PRKG1: variants seen among roughly 807,000 people sequenced by gnomAD.
PRKG1 encodes the protein cGMP-dependent protein kinase 1.
A neutral mutation model predicts 88.1 loss-of-function variants in PRKG1; 35 were observed. The ratio of observed to expected loss-of-function variants is 0.40; its 90% confidence interval spans 0.30 to 0.53. The LOEUF (loss-of-function observed/expected upper bound fraction) is 0.53. PRKG1 is among the 20% of genes least tolerant of loss of function. The probability of loss-of-function intolerance (pLI) is 0.59; values close to 1 mark genes in which losing one functional copy is unlikely to be tolerated. For missense variants in PRKG1, 540 were observed against 839.8 expected (o/e 0.64, Z 4.41); for synonymous variants, 303 against 292.5 (o/e 1.04, Z -0.37).
At chr10:51,956,363 G>A (rs1260519128) in intron 5 of PRKG1, among the ~76,000 whole-genome samples, 1 of 151,500 alleles carries the variant, frequency 6.6e-6, no homozygotes, top group Non-Finnish European at 1.5e-5. Context: ...TATTAATAAA[G>A]TATACATTAT....
At chr10:52,212,082 C>T (rs969260293) in intron 9 of PRKG1, among the ~76,000 whole-genome samples, 3 of 152,098 alleles carry the variant, frequency 2.0e-5, no homozygotes, top group African/African-American at 7.2e-5. Context: ...ACTTGCAAAT[C>T]GGGCACCCCC....
At chr10:52,174,892 A>T (rs1317813887) in intron 9 of PRKG1, among the ~76,000 whole-genome samples, 1 of 152,010 alleles carries the variant, frequency 6.6e-6, no homozygotes, top group Non-Finnish European at 1.5e-5. Context: ...ATAACTGTTC[A>T]TATGTACGGG....
intron 14 of PRKG1, among the ~76,000 whole-genome samples, chr10:52,282,529 CATT>C (rs1247147467): frequency 6.6e-5 from 10 of 152,090 alleles, no homozygotes; most frequent in Non-Finnish European, 1.5e-5. Context: ...CTTTTGGTCT[CATT>C]ATTGCTACTT....
chr10:51,873,825 G>A (rs899169733), intron 4 of PRKG1, among the ~76,000 whole-genome samples: 23 of 152,042 alleles, frequency 1.5e-4, no homozygotes, highest in Admixed American at 4.6e-4. Flanking sequence ...CACCATGCCC[G>A]GCCAAGAAAC....
chr10:51,429,434 A>G (rs1040620515), intron 2 of PRKG1, among the ~76,000 whole-genome samples: 1 of 152,158 alleles, frequency 6.6e-6, no homozygotes, highest in South Asian at 2.1e-4. Context: ...AACAAAATTC[A>G]TGAGACACAT....
At chr10:51,723,827 G>T (rs1219001099) in intron 3 of PRKG1, among the ~76,000 whole-genome samples, 1 of 152,280 alleles carries the variant, frequency 6.6e-6, no homozygotes, top group East Asian at 1.9e-4. Context: ...GTTGTTTGCA[G>T]AATAGTTGCA....
chr10:52,273,754 A>G (rs1841793944), intron 12 of PRKG1, among the ~76,000 whole-genome samples: 1 of 152,154 alleles, frequency 6.6e-6, no homozygotes, highest in African/African-American at 2.4e-5. Context: ...TAAGGTTAAC[A>G]TCTATACTAA....
At chr10:51,520,707 C>T (rs1841713680) in intron 3 of PRKG1, among the ~76,000 whole-genome samples, 1 of 152,154 alleles carries the variant, frequency 6.6e-6, no homozygotes, top group African/African-American at 2.4e-5. Flanking sequence ...TAATACTCTA[C>T]AATCCTATGA....
intron 3 of PRKG1, among the ~76,000 whole-genome samples, chr10:51,492,298 TTTTC>T (rs938836254): frequency 7.2e-5 from 11 of 152,128 alleles, no homozygotes; most frequent in African/African-American, 2.7e-4. Context: ...GAATATTCTT[TTTTC>T]TTTCTTATTG....
intron 1 of PRKG1, among the ~76,000 whole-genome samples, chr10:51,105,865 C>T (rs1233930850): frequency 6.8e-6 from 1 of 147,994 alleles, no homozygotes; most frequent in Non-Finnish European, 1.5e-5. Context: ...GGTTTAGTGC[C>T]CCATGGCCCT....
At chr10:51,602,644 G>A in intron 3 of PRKG1, among the ~76,000 whole-genome samples, 1 of 150,316 alleles carries the variant, frequency 6.7e-6, no homozygotes, top group Admixed American at 6.6e-5. Context: ...CAAACTCCTG[G>A]GCTCAAGTGA....
intron 3 of PRKG1, among the ~76,000 whole-genome samples, chr10:51,601,459 A>C (rs1171227577): frequency 6.6e-6 from 1 of 152,186 alleles, no homozygotes; most frequent in Admixed American, 6.5e-5. Context: ...TTGCGTCTGT[A>C]AACAAGGAGG....
rs145172485 is a variant in PRKG1 at position 51,547,822 on chromosome 10, C to T, written c.592+79986C>T. On this transcript the variant is annotated intron_variant, in intron 3 of 17. Coordinates refer to ENST00000373980, the MANE Select transcript of PRKG1 (RefSeq NM_006258.4). ...CTTTATAATTTCAAAGTATGTTCTA[C>T]GTGCAATTAATGTTACCTTTTGTAG... Among the ~76,000 whole-genome samples, 9 of 152,138 alleles carry T rather than the reference C, an allele frequency of 5.9e-5. No individual in the cohort carries two copies. In the East Asian group the frequency reaches 1.5e-3, roughly 26 times the overall value.
At chr10:51,566,128 T>C (rs1288119532) in intron 3 of PRKG1, among the ~76,000 whole-genome samples, 1 of 151,992 alleles carries the variant, frequency 6.6e-6, no homozygotes, top group Non-Finnish European at 1.5e-5. Context: ...ATGTAGAAAA[T>C]ATAATGTTTG....
At chr10:52,167,602 A>G (rs1838520977) in intron 9 of PRKG1, among the ~76,000 whole-genome samples, 1 of 151,416 alleles carries the variant, frequency 6.6e-6, no homozygotes, top group African/African-American at 2.4e-5. Flanking sequence ...TTGCTTTTAA[A>G]GGTGAGATCT....
intron 3 of PRKG1, among the ~76,000 whole-genome samples, chr10:51,555,024 T>C (rs1006853125): frequency 3.9e-5 from 6 of 151,932 alleles, no homozygotes; most frequent in Non-Finnish European, 8.8e-5. Context: ...TTTGTTAAGG[T>C]TCATGATTGG....
intron 2 of PRKG1, among the ~76,000 whole-genome samples, chr10:51,165,625 A>G (rs1003780470): frequency 6.6e-6 from 1 of 152,130 alleles, no homozygotes; most frequent in African/African-American, 2.4e-5. Context: ...GTCAAGACCC[A>G]TCAGTGTGCT....
intron 5 of PRKG1, among the ~76,000 whole-genome samples, chr10:51,951,171 T>A (rs1484050917): frequency 6.6e-6 from 1 of 152,248 alleles, no homozygotes; most frequent in Non-Finnish European, 1.5e-5. Flanking sequence ...GCCTTCAGGC[T>A]GTTTTTTTTG....
chr10:51,451,113 C>T (rs1839425508), intron 2 of PRKG1, among the ~76,000 whole-genome samples: 2 of 151,644 alleles, frequency 1.3e-5, no homozygotes, highest in Non-Finnish European at 2.9e-5. Flanking sequence ...GAATCAATAA[C>T]TAAAATAATA....
Sources: allele counts gnomAD v4.1 joint callset (sites outside exome capture counted in the v4.1 genomes callset), GRCh38; gene constraint gnomAD v4.1.1; transcripts MANE v1.5; gene names NCBI Gene and HGNC (gene_info 2026-07-23, HGNC 2026-07-21).